The following RORA variants were observed in gnomAD, a reference collection of about 807,000 sequenced individuals.
RORA encodes the protein RAR related orphan receptor A, also known as nuclear receptor ROR-alpha.
Under a neutral mutation model 69.5 loss-of-function variants are expected in RORA, and 7 were observed. The ratio of observed to expected loss-of-function variants is 0.10; its 90% CI spans 0.06 to 0.19. The LOEUF (loss-of-function observed/expected upper bound fraction) is 0.19. Among genes scored for constraint, RORA ranks in the 10% least tolerant of loss-of-function variants. RORA has a pLI of 1.00. For missense variants in RORA, 457 were observed against 663.0 expected, an observed-to-expected ratio of 0.69 and a Z score of 3.41; for synonymous variants, 261 against 240.8, an observed-to-expected ratio of 1.08 and a Z score of -0.78.
intron 1 of RORA, among the ~76,000 whole-genome samples, chr15:61,027,006 CAAA>C (rs60196048): frequency 1.5e-5 from 2 of 133,312 alleles, no homozygotes. Context: ...TCCTGGCCTG[CAAA>C]AAAAAAAAAA....
rs1228505814 is a variant in RORA at position 60,722,629 on chromosome 15, A to T, written c.167-43943T>A. Among the ~76,000 whole-genome samples the T allele has an allele frequency of 2.6e-5, 4 of 152,242 alleles. No homozygotes were observed. The East Asian group carries it at 7.7e-4, about 29-fold the overall frequency. ...ATGTCCACCTGCTCTTCTCTGGTTC[A>T]GCTGACTTCCCTGGACTTGCTTTCT... is the stretch of plus-strand genomic sequence containing the variant. On this transcript the variant is annotated intron_variant, in intron 1 of 10. Coordinates refer to ENST00000335670, the MANE Select transcript of RORA (RefSeq NM_134261.3).
At chr15:60,920,290 T>G (rs538907275) in intron 1 of RORA, among the ~76,000 whole-genome samples, 2 of 152,366 alleles carry the variant, frequency 1.3e-5, no homozygotes, top group Admixed American at 6.5e-5. Context: ...AACCTTTCTC[T>G]AATATTTCTC....
intron 1 of RORA, among the ~76,000 whole-genome samples, chr15:61,205,694 A>G (rs1490535425): frequency 6.6e-6 from 1 of 152,120 alleles, no homozygotes; most frequent in Non-Finnish European, 1.5e-5. Context: ...TAGAAAAACA[A>G]TCTCTAGGGG....
At chr15:60,865,890 G>A (rs1257186960) in intron 1 of RORA, among the ~76,000 whole-genome samples, 1 of 152,104 alleles carries the variant, frequency 6.6e-6, no homozygotes, top group Non-Finnish European at 1.5e-5. Context: ...AATGCTTTAC[G>A]CCTTTGTTCA....
chr15:60,947,321 A>G (rs1892923005), intron 1 of RORA, among the ~76,000 whole-genome samples: 1 of 152,216 alleles, frequency 6.6e-6, no homozygotes, highest in South Asian at 2.1e-4. Flanking sequence ...AGGTAGACAT[A>G]GGAGACTCCA....
rs2065279679 is a variant in RORA at position 60,499,988 on chromosome 15, T to C, written c.1311A>G (p.Gln437=). ...GCAGTTTTTCAATTTTTACCTTTTC[T>C]TGCAGCCATGAGCGATCTAAGCATA... ...VLMSADRSWL[Q]EKVKIEKLQQ... Residue 437 remains glutamine, a synonymous_variant, in exon 10 of 11, where the codon CAA becomes CAG. Transcript: ENST00000335670. 1 of 1,611,136 alleles carries C rather than the reference T, an allele frequency of 6.2e-7. No individual in the cohort carries two copies. Among genetic ancestry groups the C allele is most frequent in the Admixed American group, 1.7e-5 (1 of 59,958 alleles).
At chr15:61,172,548 A>AG (rs1481027318) in intron 1 of RORA, among the ~76,000 whole-genome samples, 1 of 152,166 alleles carries the variant, frequency 6.6e-6, no homozygotes, top group East Asian at 1.9e-4. Context: ...ACAGAGTTCA[A>AG]GGGGGATAGG....
intron 1 of RORA, among the ~76,000 whole-genome samples, chr15:60,947,350 A>C (rs1022435109): frequency 1.3e-5 from 2 of 152,204 alleles, no homozygotes; most frequent in Non-Finnish European, 2.9e-5. Flanking sequence ...TGTACTGGGA[A>C]AAATTCTTCT....
intron 1 of RORA, among the ~76,000 whole-genome samples, chr15:61,024,732 G>C (rs1377748187): frequency 2.0e-5 from 3 of 152,010 alleles, no homozygotes; most frequent in Non-Finnish European, 4.4e-5. Context: ...TTACAGGCAT[G>C]AGCCACTGCA....
chr15:60,601,669 C>T (rs987672114), intron 2 of RORA, among the ~76,000 whole-genome samples: 4 of 152,184 alleles, frequency 2.6e-5, no homozygotes, highest in Admixed American at 1.3e-4. Context: ...GCTCTTTTCA[C>T]AGTTTTTGCA....
At chr15:60,552,122 T>G (rs1029517202) in intron 2 of RORA, among the ~76,000 whole-genome samples, 1 of 152,140 alleles carries the variant, frequency 6.6e-6, no homozygotes, top group Non-Finnish European at 1.5e-5. Flanking sequence ...CAGCTGCAGG[T>G]GCAGAGAGTT....
chr15:60,597,512 T>TACACACAC lies in RORA; in HGVS notation c.197-65669_197-65662dup, dbSNP rs56774445. Among the ~76,000 whole-genome samples the TACACACAC allele has an allele frequency of 3.5e-3, 151 of 43,184 alleles. 9 individuals carry two copies. The highest frequency in any genetic ancestry group is 0.02 in the Middle Eastern group (1 of 50). 28.3% of individuals were successfully genotyped at this position (43,184 alleles called of 152,430 possible). A position where few individuals can be genotyped will look rare whatever the true frequency, so the allele number is the denominator to read the frequency against. On this transcript the variant is annotated intron_variant, in intron 2 of 10. Coordinates refer to ENST00000335670, the MANE Select transcript of RORA (RefSeq NM_134261.3). ...CTATACCTGGCAGTGGTACAGGAGA[T>TACACACAC]ACACACACACACACACACACACACA...
At chr15:60,754,353 G>A (rs543034833) in intron 1 of RORA, among the ~76,000 whole-genome samples, 2 of 152,178 alleles carry the variant, frequency 1.3e-5, no homozygotes, top group East Asian at 3.9e-4. Flanking sequence ...CCAACATATG[G>A]GGTTTCCAAA....
chr15:61,092,516 C>G (rs932338977), intron 1 of RORA, among the ~76,000 whole-genome samples: 2 of 152,056 alleles, frequency 1.3e-5, no homozygotes, highest in African/African-American at 4.8e-5. Flanking sequence ...GAATCTAAAC[C>G]CACAAAGAAT....
In RORA at chr15:60,776,266, C is replaced by T. The variant is rs536069755; in HGVS notation, c.167-97580G>A. Among the ~76,000 whole-genome samples the T allele has an allele frequency of 5.9e-5, 9 of 152,362 alleles. No homozygotes were observed. In the South Asian group the frequency reaches 1.9e-3, roughly 32 times the overall value. ...TTAGACACACTTCAGACTGAATCTT[C>T]TGTGGTTCCCACCTCACTCTTCCCA... On this transcript the variant is annotated intron_variant, in intron 1 of 10. Coordinates refer to ENST00000335670, the MANE Select transcript of RORA (RefSeq NM_134261.3).
At chr15:60,987,283 C>T (rs1410562815) in intron 1 of RORA, among the ~76,000 whole-genome samples, 2 of 152,188 alleles carry the variant, frequency 1.3e-5, no homozygotes, top group Non-Finnish European at 2.9e-5. Context: ...TTCCTTCTTT[C>T]CTGGAGGACG....
chr15:60,787,356 C>T (rs1378578604), intron 1 of RORA, among the ~76,000 whole-genome samples: 1 of 152,204 alleles, frequency 6.6e-6, no homozygotes, highest in African/African-American at 2.4e-5. Context: ...CGAATGCTAG[C>T]AGCAATCACG....
intron 2 of RORA, among the ~76,000 whole-genome samples, chr15:60,596,572 T>A (rs2068670647): frequency 6.6e-6 from 1 of 151,966 alleles, no homozygotes; most frequent in Admixed American, 6.6e-5. Flanking sequence ...CAAACTAACC[T>A]AGAAGAGATC....
chr15:60,678,769 G>A, intron 1 of RORA, 83 bp from the exon 2 acceptor site: 1 of 1,219,092 alleles, frequency 8.2e-7, no homozygotes, highest in Non-Finnish European at 1.2e-6. Flanking sequence ...AGTGTGCTCA[G>A]GAAGGCGTTT....
Sources: gnomAD v4.1 joint callset for allele counts (sites outside exome capture counted in the v4.1 genomes callset) on GRCh38, gnomAD v4.1.1 for gene constraint, MANE v1.5 for transcripts, NCBI Gene and HGNC (gene_info 2026-07-23, HGNC 2026-07-21) for gene names.